Variants in SEMA6D observed in about 807,000 individuals in gnomAD.
SEMA6D encodes the protein semaphorin 6D.
In SEMA6D, 35 loss-of-function variants were observed where a neutral mutation model predicts 106.6. That is an observed-to-expected ratio of 0.33 (90% CI 0.25 to 0.44). SEMA6D has a LOEUF of 0.44. SEMA6D is among the 20% of genes least tolerant of loss of function. SEMA6D has a pLI of 1.00. For synonymous variants in SEMA6D, 499 were observed against 487.7 expected, an observed-to-expected ratio of 1.02 and a Z score of -0.31; for missense variants, 1,185 against 1,345.9, an observed-to-expected ratio of 0.88 and a Z score of 1.87.
chr15:47,495,438 A>G (rs1371497160), intron 3 of SEMA6D, among the ~76,000 whole-genome samples: 1 of 151,982 alleles, frequency 6.6e-6, no homozygotes, highest in Non-Finnish European at 1.5e-5. Context: ...GGGGTTAGCT[A>G]TTGCATGTAG....
intron 3 of SEMA6D, among the ~76,000 whole-genome samples, chr15:47,587,790 TTC>T (rs2076368310): frequency 3.8e-5 from 1 of 26,378 alleles, no homozygotes; most frequent in South Asian, 4.9e-3. Context: ...TACTTTTTCT[TTC>T]TTTTTTTTTT....
chr15:47,587,064 A>AC (rs1191125542), intron 3 of SEMA6D, among the ~76,000 whole-genome samples: 1 of 152,106 alleles, frequency 6.6e-6, no homozygotes, highest in Non-Finnish European at 1.5e-5. Flanking sequence ...GGAGCAGCAG[A>AC]CGGGAAGAAG....
intron 1 of SEMA6D, among the ~76,000 whole-genome samples, chr15:47,277,701 C>T (rs1394080012): frequency 6.0e-5 from 9 of 150,996 alleles, no homozygotes; most frequent in East Asian, 3.9e-4. Flanking sequence ...CATGCTGGTG[C>T]GCTGCACCTA....
At chr15:47,731,270 C>CA (rs1352557567) in intron 1 of SEMA6D, among the ~76,000 whole-genome samples, 1 of 152,100 alleles carries the variant, frequency 6.6e-6, no homozygotes, top group Non-Finnish European at 1.5e-5. Context: ...TACCTTTGCA[C>CA]AATTTCCCAG....
intron 3 of SEMA6D, among the ~76,000 whole-genome samples, chr15:47,479,964 C>T (rs536650657): frequency 6.7e-6 from 1 of 149,544 alleles, no homozygotes; most frequent in East Asian, 2.0e-4. Context: ...GACCTGGACT[C>T]GAGCAATCCT....
At chr15:47,688,070 A>G (rs905247540) in intron 4 of SEMA6D, among the ~76,000 whole-genome samples, 1 of 152,200 alleles carries the variant, frequency 6.6e-6, no homozygotes. Flanking sequence ...GAGAATCAAC[A>G]TATATGTAGT....
chr15:47,405,988 A>G (rs1005023811), intron 1 of SEMA6D, among the ~76,000 whole-genome samples: 2 of 152,198 alleles, frequency 1.3e-5, no homozygotes, highest in South Asian at 2.1e-4. Context: ...TTCACTCACG[A>G]GGGCCATATG....
At chr15:47,228,269 C>T (rs1041367051) in intron 1 of SEMA6D, among the ~76,000 whole-genome samples, 7 of 151,392 alleles carry the variant, frequency 4.6e-5, no homozygotes, top group African/African-American at 1.7e-4. Flanking sequence ...AGCTGCTTTA[C>T]CAGGAAGAAC....
intron 4 of SEMA6D, among the ~76,000 whole-genome samples, chr15:47,676,202 A>T (rs2078242445): frequency 6.6e-6 from 1 of 152,174 alleles, no homozygotes; most frequent in African/African-American, 2.4e-5. Flanking sequence ...CTGTGTAACC[A>T]CTTCCCCCCT....
chr15:47,221,262 A>G (rs534157860), intron 1 of SEMA6D, among the ~76,000 whole-genome samples: 4 of 152,270 alleles, frequency 2.6e-5, no homozygotes, highest in African/African-American at 7.2e-5. Context: ...GGGCTCCTCT[A>G]TGAATATAGC....
chr15:47,512,343 G>T (rs999047124), intron 3 of SEMA6D, among the ~76,000 whole-genome samples: 14 of 152,196 alleles, frequency 9.2e-5, no homozygotes, highest in African/African-American at 3.1e-4. Flanking sequence ...TCTCCTGCAT[G>T]TGTGATCATG....
intron 1 of SEMA6D, among the ~76,000 whole-genome samples, chr15:47,719,104 A>T (rs1259055991): frequency 7.2e-6 from 1 of 138,624 alleles, no homozygotes; most frequent in African/African-American, 2.7e-5. Flanking sequence ...CTGTCAGGTG[A>T]TTGTTTAAAT....
intron 1 of SEMA6D, among the ~76,000 whole-genome samples, chr15:47,390,319 A>G (rs1436261290): frequency 6.6e-6 from 1 of 152,122 alleles, no homozygotes; most frequent in East Asian, 1.9e-4. Context: ...CTCTTCTTCT[A>G]TTATATTTGC....
chr15:47,257,474 C>T (rs554160330), intron 1 of SEMA6D, among the ~76,000 whole-genome samples: 10 of 152,242 alleles, frequency 6.6e-5, no homozygotes, highest in African/African-American at 2.4e-4. Context: ...AGATACATAT[C>T]ACATATTTTG....
intron 1 of SEMA6D, among the ~76,000 whole-genome samples, chr15:47,217,874 TACACACACACACAC>T (rs150525483): frequency 5.6e-5 from 8 of 143,148 alleles, no homozygotes; most frequent in Admixed American, 2.8e-4. Flanking sequence ...TGTACACACA[TACACACACACACAC>T]ACACACACAC....
chr15:47,755,190 T>TC (rs2081647143), intron 1 of SEMA6D, among the ~76,000 whole-genome samples: 3 of 151,968 alleles, frequency 2.0e-5, no homozygotes, highest in African/African-American at 7.2e-5. Flanking sequence ...GACCTCATGA[T>TC]CCCCCCGCCT....
chr15:47,681,880 A>T (rs922014951), intron 4 of SEMA6D, among the ~76,000 whole-genome samples: 6 of 152,222 alleles, frequency 3.9e-5, no homozygotes, highest in Non-Finnish European at 7.3e-5. Flanking sequence ...GATATAGCTG[A>T]TGTTGGCAAA....
intron 4 of SEMA6D, among the ~76,000 whole-genome samples, chr15:47,695,345 T>C (rs191035313): frequency 1.3e-4 from 20 of 152,338 alleles, no homozygotes; most frequent in Admixed American, 3.9e-4. Context: ...TAATAGGTTA[T>C]AGGGACAGTT....
At chr15:47,515,931 A>T (rs7162747) in intron 3 of SEMA6D, among the ~76,000 whole-genome samples, 3,195 of 152,272 alleles carry the variant, frequency 0.021, 122 homozygotes, top group African/African-American at 0.073. Context: ...CATTCTCCCA[A>T]TGCTTTTTCA....
Sources: allele counts gnomAD v4.1 joint callset (sites outside exome capture counted in the v4.1 genomes callset), GRCh38; gene constraint gnomAD v4.1.1; transcripts MANE v1.5; gene names NCBI Gene and HGNC (gene_info 2026-07-23, HGNC 2026-07-21).